Variants in UNC5C observed in about 807,000 individuals in gnomAD.
The protein encoded by UNC5C is netrin receptor UNC5C.
UNC5C carries 47 observed loss-of-function variants against 99.8 expected under a neutral mutation model. That is an observed-to-expected ratio of 0.47 (90% CI 0.37 to 0.60). The LOEUF (loss-of-function observed/expected upper bound fraction) is 0.60. Among genes scored for constraint, UNC5C ranks in the 20% least tolerant of loss-of-function variants. UNC5C has a pLI of 0.00. For missense variants in UNC5C, 1,062 were observed against 1,165.9 expected (o/e 0.91, Z 1.30); for synonymous variants, 487 against 452.2 (o/e 1.08, Z -0.98).
At chr4:95,352,266 G>A (rs1429563868) in intron 1 of UNC5C, among the ~76,000 whole-genome samples, 1 of 152,048 alleles carries the variant, frequency 6.6e-6, no homozygotes, top group African/African-American at 2.4e-5. Context: ...CAGACAGACT[G>A]GTGTTTGTAT....
chr4:95,258,746 CTTTTTTTTTTT>C (rs775570031), intron 4 of UNC5C, among the ~76,000 whole-genome samples: 2 of 76,054 alleles, frequency 2.6e-5, no homozygotes, highest in Admixed American at 1.5e-4. Context: ...CCATCTTATT[CTTTTTTTTTTT>C]TTTTTTTTTT....
chr4:95,372,198 A>G (rs1348489253), intron 1 of UNC5C, among the ~76,000 whole-genome samples: 1 of 152,226 alleles, frequency 6.6e-6, no homozygotes, highest in African/African-American at 2.4e-5. Context: ...CATCCTGAGA[A>G]GAAATTCACT....
In UNC5C at chr4:95,219,135, G is replaced by A. The variant is rs775433817; in HGVS notation, c.1479C>T (p.Asp493=). 2.0e-5 allele frequency: 32 copies of A among 1,614,018 alleles called. No individual in the cohort carries two copies. Among genetic ancestry groups the A allele is most frequent in the Non-Finnish European group, 2.5e-5 (30 of 1,180,032 alleles). Residue 493 remains aspartate, a synonymous_variant, in exon 9 of 16, where the codon GAC becomes GAT. Transcript: ENST00000453304. ...ACAGCTTGGACGTAAACTCAGAGAG[G>A]TCATCTTGGGGGGTGACAGCACCTG... The part of the protein sequence containing the change: ...NTSGAVTPQD[D]LSEFTSKLSP...
chr4:95,403,473 A>T (rs1745754181), intron 1 of UNC5C, among the ~76,000 whole-genome samples: 1 of 152,246 alleles, frequency 6.6e-6, no homozygotes, highest in Non-Finnish European at 1.5e-5. Context: ...ATTTCAGGGA[A>T]GTCAATAGTA....
chr4:95,537,401 T>C (rs1458363288), intron 1 of UNC5C, among the ~76,000 whole-genome samples: 1 of 152,168 alleles, frequency 6.6e-6, no homozygotes, highest in Non-Finnish European at 1.5e-5. Context: ...CTCGTAATAC[T>C]TTATAGTGGT....
At chr4:95,381,308 G>A (rs1745063564) in intron 1 of UNC5C, among the ~76,000 whole-genome samples, 2 of 152,234 alleles carry the variant, frequency 1.3e-5, no homozygotes, top group Non-Finnish European at 2.9e-5. Context: ...GTATTTCTGT[G>A]ACATTATTTA....
chr4:95,273,063 C>T (rs1055905149), intron 4 of UNC5C, among the ~76,000 whole-genome samples: 9 of 152,208 alleles, frequency 5.9e-5, no homozygotes, highest in Admixed American at 1.3e-4. Context: ...AAAATCTGTT[C>T]CCTGTTTATC....
At chr4:95,482,574 G>T (rs1721193848) in intron 1 of UNC5C, among the ~76,000 whole-genome samples, 1 of 149,746 alleles carries the variant, frequency 6.7e-6, no homozygotes, top group South Asian at 2.1e-4. Context: ...GTTTATTGCT[G>T]CACTATTCAC....
chr4:95,222,160 A>G, intron 7 of UNC5C: 1 of 1,309,550 alleles, frequency 7.6e-7, no homozygotes, highest in Non-Finnish European at 1.0e-6. Flanking sequence ...ACTAGGGGCA[A>G]TAACGTTAAA....
In UNC5C at chr4:95,219,104, G is replaced by T. The variant is rs1236790002; in HGVS notation, c.1510C>A (p.Gln504Lys). Residue 504 changes from glutamine to lysine, a missense_variant, in exon 9 of 16, where the codon CAG becomes AAG. Physicochemically the swap from Gln to Lys is moderately conservative, Grantham distance 53. This residue lies in a region of UNC5C where 810 missense variants were observed against 854.5 expected (regional missense o/e 0.95). Coordinates refer to ENST00000453304, the MANE Select transcript of UNC5C (RefSeq NM_003728.4). ...TTCTCCAACAACGACTGGGTCATCT[G>T]AGGGGACAGCTTGGACGTAAACTCA... ...LSEFTSKLSPQMTQSLLENEA... is the reference protein window; with the variant it reads ...LSEFTSKLSPKMTQSLLENEA... The T allele has an allele frequency of 1.2e-6, 2 of 1,614,040 alleles. No homozygotes were observed.
rs568531342 is a variant in UNC5C, at chr4:95,168,782, G to A, written c.*452C>T. The A allele has an allele frequency of 3.2e-5, 5 of 155,298 alleles. No individual in the cohort carries two copies. Among genetic ancestry groups the A allele is most frequent in the East Asian group, 1.9e-4 (1 of 5,268 alleles). The allele number at this position is 155,298 out of a possible 1,614,324, so 9.6% of individuals were successfully genotyped here. On this transcript the variant is annotated 3_prime_UTR_variant, in exon 16 of 16. Coordinates refer to ENST00000453304, the MANE Select transcript of UNC5C (RefSeq NM_003728.4). ...TAATCTGAAATAGACACAACAAACC[G>A]TCCACAGCTTCAACTTCAAATGATT...
intron 11 of UNC5C, among the ~76,000 whole-genome samples, chr4:95,204,595 G>GAATTTAATTTAATTT (rs1737807407): frequency 6.6e-6 from 1 of 152,198 alleles, no homozygotes; most frequent in Admixed American, 6.5e-5. Context: ...TAATTAACTC[G>GAATTTAATTTAATTT]AATTTAAAAG....
intron 1 of UNC5C, among the ~76,000 whole-genome samples, chr4:95,424,518 C>CTTTCTTTTTTTTTTTTTTTTTTTTTTTT (rs1746411107): frequency 6.3e-4 from 43 of 67,958 alleles, no homozygotes; most frequent in Non-Finnish European, 8.3e-4. Context: ...TTTTTCTTTT[C>CTTTCTTTTTTTTTTTTTTTTTTTTTTTT]TTTTTTTTTT....
chr4:95,260,898 A>G (rs1380118277), intron 4 of UNC5C, among the ~76,000 whole-genome samples: 2 of 152,218 alleles, frequency 1.3e-5, no homozygotes, highest in African/African-American at 4.8e-5. Context: ...GGTGCTTTGT[A>G]CTTAGTGATT....
intron 2 of UNC5C, 131 bp downstream of exon 2, chr4:95,335,279 C>A (rs1743288557): frequency 1.2e-6 from 1 of 865,554 alleles, no homozygotes; most frequent in East Asian, 2.7e-5. Context: ...CTTAACCAAA[C>A]CAATTCAAAA....
chr4:95,201,206 G>A (rs1485090010), intron 12 of UNC5C, among the ~76,000 whole-genome samples: 2 of 151,992 alleles, frequency 1.3e-5, no homozygotes, highest in African/African-American at 2.4e-5. Context: ...TCTAAGACAG[G>A]CACAATCTCT....
Position 95,219,976 on chromosome 4 carries a change from T to G in UNC5C, c.1300+9A>C. The G allele has an allele frequency of 6.2e-7, 1 of 1,611,472 alleles. No individual in the cohort carries two copies. The highest frequency in any genetic ancestry group is 1.1e-5 in the South Asian group (1 of 90,720). On this transcript the variant is annotated intron_variant, in intron 8 of 15. Coordinates refer to ENST00000453304, the MANE Select transcript of UNC5C (RefSeq NM_003728.4). The stretch of plus-strand genomic sequence containing the variant: ...AAGTAACAGGGTGTGAAGTGGAATG[T>G]CAACTGACCTTGTCTTGCTGCCTTG...
chr4:95,223,713 A>T (rs1738563170), intron 7 of UNC5C, among the ~76,000 whole-genome samples: 1 of 152,164 alleles, frequency 6.6e-6, no homozygotes, highest in African/African-American at 2.4e-5. Context: ...TTTAAACACC[A>T]CTGCCTGGTA....
At chr4:95,365,420 T>A (rs1426417988) in intron 1 of UNC5C, among the ~76,000 whole-genome samples, 1 of 143,614 alleles carries the variant, frequency 7.0e-6, no homozygotes, top group South Asian at 2.2e-4. Flanking sequence ...ATTTTCTATA[T>A]TTTTCATATA....
Sources: gnomAD v4.1 joint callset for allele counts (sites outside exome capture counted in the v4.1 genomes callset) on GRCh38, gnomAD v4.1.1 for gene constraint, gnomAD v4.1.1 regional missense constraint, MANE v1.5 for transcripts, NCBI Gene and HGNC (gene_info 2026-07-23, HGNC 2026-07-21) for gene names.